ARK2N: variants seen among roughly 807,000 people sequenced by gnomAD.
ARK2N encodes arkadia (RNF111) N-terminal like PKA signaling regulator 2N, also known as protein ARK2N.
At chr18:46,174,782 G>A in the ARK2N span, among the ~76,000 whole-genome samples, 1,877 of 152,306 alleles carry the variant, frequency 0.012, 48 homozygotes, top group African/African-American at 0.043. Flanking sequence ...GGGAAGCAGT[G>A]GCGGCAACTC....
At chr18:46,236,937 C>A in the ARK2N span, among the ~76,000 whole-genome samples, 1 of 150,876 alleles carries the variant, frequency 6.6e-6, no homozygotes, top group African/African-American at 2.4e-5. Flanking sequence ...GATCTCAGCT[C>A]ACTGCAACCT....
chr18:46,197,968 T>G, the ARK2N span, among the ~76,000 whole-genome samples: 10 of 152,126 alleles, frequency 6.6e-5, no homozygotes, highest in Non-Finnish European at 1.2e-4. Context: ...GTGTAATCTG[T>G]TACTTAACCT....
chr18:46,207,582 G>T, the ARK2N span, among the ~76,000 whole-genome samples: 1 of 151,862 alleles, frequency 6.6e-6, no homozygotes, highest in Non-Finnish European at 1.5e-5. Context: ...TAGAGACAGG[G>T]TTTCACCATG....
the ARK2N span, chr18:46,264,131 C>G: frequency 6.6e-6 from 1 of 152,246 alleles, no homozygotes; most frequent in Non-Finnish European, 1.5e-5. Context: ...TCTCCTCTAC[C>G]TTCTAAAAAA....
chr18:46,252,713 C>T, the ARK2N span, among the ~76,000 whole-genome samples: 2,648 of 152,148 alleles, frequency 0.017, 72 homozygotes, highest in African/African-American at 0.06. Context: ...CATTGCAACT[C>T]TGTTTATTCT....
chr18:46,174,979 C>G, the ARK2N span, among the ~76,000 whole-genome samples: 2 of 152,244 alleles, frequency 1.3e-5, no homozygotes, highest in African/African-American at 4.8e-5. Context: ...AGAGATGTGT[C>G]AGTCTCCAAA....
At chr18:46,205,871 A>G in the ARK2N span, among the ~76,000 whole-genome samples, 2 of 152,082 alleles carry the variant, frequency 1.3e-5, no homozygotes, top group East Asian at 1.9e-4. Context: ...TACTACAGGC[A>G]TGTGCTACCA....
the ARK2N span, chr18:46,266,700 G>A: frequency 7.2e-5 from 11 of 152,652 alleles, no homozygotes; most frequent in Non-Finnish European, 1.2e-4. Context: ...TGGATCTGCT[G>A]TTGCTGGAGT....
chr18:46,234,931 A>G, the ARK2N span, among the ~76,000 whole-genome samples: 1 of 152,138 alleles, frequency 6.6e-6, no homozygotes, highest in East Asian at 1.9e-4. Context: ...GTATATTACT[A>G]TGGCTGCATA....
chr18:46,235,703 T>A, the ARK2N span, among the ~76,000 whole-genome samples: 1 of 152,218 alleles, frequency 6.6e-6, no homozygotes, highest in African/African-American at 2.4e-5. Context: ...ACAATTATAG[T>A]CTATTGTGGT....
chr18:46,244,510 T>C, the ARK2N span, among the ~76,000 whole-genome samples: 1 of 151,682 alleles, frequency 6.6e-6, no homozygotes, highest in African/African-American at 2.4e-5. Flanking sequence ...TAGACCAGAA[T>C]GGCCATGTTT....
chr18:46,194,483 T>C, the ARK2N span, among the ~76,000 whole-genome samples: 39 of 150,832 alleles, frequency 2.6e-4, 1 homozygote, highest in East Asian at 7.0e-3. Context: ...TTTTTGTTTG[T>C]TTTTTTTGAG....
chr18:46,192,197 G>T, the ARK2N span, among the ~76,000 whole-genome samples: 1 of 152,088 alleles, frequency 6.6e-6, no homozygotes, highest in African/African-American at 2.4e-5. Flanking sequence ...CCTTTCTCTT[G>T]ACTTTACCAA....
chr18:46,240,106 C>T, the ARK2N span: 1 of 1,614,156 alleles, frequency 6.2e-7, no homozygotes, highest in East Asian at 2.2e-5. Context: ...AGTTCAAGAG[C>T]ACAGTAATTC....
chr18:46,198,331 A>G, the ARK2N span, among the ~76,000 whole-genome samples: 2 of 150,898 alleles, frequency 1.3e-5, no homozygotes, highest in Admixed American at 6.6e-5. Context: ...AAAAAAAAAA[A>G]AAGAAGCTTG....
chr18:46,230,741 C>G, the ARK2N span, among the ~76,000 whole-genome samples: 1 of 151,932 alleles, frequency 6.6e-6, no homozygotes, highest in Non-Finnish European at 1.5e-5. Flanking sequence ...AAAAAATCGC[C>G]GAATGTTGTA....
At chr18:46,215,576 C>T in the ARK2N span, among the ~76,000 whole-genome samples, 1 of 152,064 alleles carries the variant, frequency 6.6e-6, no homozygotes, top group Non-Finnish European at 1.5e-5. Context: ...ACATGTTGGC[C>T]TTTCAAGTTA....
the ARK2N span, among the ~76,000 whole-genome samples, chr18:46,190,902 C>A: frequency 6.6e-6 from 1 of 152,118 alleles, no homozygotes; most frequent in Non-Finnish European, 1.5e-5. Context: ...CAGAAGATGG[C>A]TGTAGTGTGT....
At chr18:46,173,802 C>CG in the ARK2N span, 2 of 152,392 alleles carry the variant, frequency 1.3e-5, no homozygotes, top group Non-Finnish European at 2.9e-5. Flanking sequence ...TCCCACCCCC[C>CG]GGGAAAGACA....
Sources: gnomAD v4.1 joint callset for allele counts (sites outside exome capture counted in the v4.1 genomes callset) on GRCh38, gnomAD v4.1.1 for gene constraint, MANE v1.5 for transcripts, NCBI Gene and HGNC (gene_info 2026-07-23, HGNC 2026-07-21) for gene names.